The following SZT2 variants were observed in gnomAD, a reference collection of about 807,000 sequenced individuals.
SZT2 encodes the protein KICSTOR complex protein SZT2.
Under a neutral mutation model 404.2 loss-of-function variants are expected in SZT2, and 216 were observed. The ratio of observed to expected loss-of-function variants is 0.53; its 90% CI spans 0.48 to 0.60. The LOEUF (loss-of-function observed/expected upper bound fraction) is 0.60. Among genes scored for constraint, SZT2 ranks in the 20% least tolerant of loss-of-function variants. SZT2 has a pLI of 0.00. For synonymous variants in SZT2, 1,693 were observed against 1,749.9 expected, an observed-to-expected ratio of 0.97 and a Z score of 0.81; for missense variants, 3,857 against 4,459.2, an observed-to-expected ratio of 0.86 and a Z score of 3.85.
Position 43,448,846 on chromosome 1 carries a change from G to A in SZT2, c.10086+118G>A. ...TCTGGAGGGAGGCCTAGACAGAACG[G>A]GACTACACAGATACATGTAAAACCC... On this transcript the variant is annotated intron_variant, in intron 70 of 71. Transcript: ENST00000634258. This position sits in a 1 kb window ranked among gnomAD's most constrained non-coding sequence, Gnocchi z 4.2. 1.1e-6 allele frequency: 1 copy of A among 904,116 alleles called. No homozygotes were observed. The highest frequency in any genetic ancestry group is 2.4e-5 in the East Asian group (1 of 41,678). The allele number at this position is 904,116 out of a possible 1,614,324, so 56.0% of individuals were successfully genotyped here. A position where few individuals can be genotyped will look rare whatever the true frequency, so the allele number is the denominator to read the frequency against.
rs774042718 is a variant in SZT2, at chr1:43,443,706, T to C, written c.8735T>C (p.Leu2912Pro). 3.1e-6 allele frequency: 5 copies of C among 1,614,214 alleles called. No homozygotes were observed. The Admixed American group carries it at 6.7e-5, about 22-fold the overall frequency. The change falls in exon 62 of 72, where the codon CTG (leucine) becomes CCG (proline). Residue 2912 changes from leucine (L) to proline (P), a missense_variant. Physicochemically the swap from Leu to Pro is moderately conservative, Grantham distance 98. Around this residue, in one of 7 missense-constraint regions of SZT2, gnomAD observed 717 missense variants for 868.2 expected, o/e 0.83. Transcript: ENST00000634258. ...CGTGAGGAGCCTTGGCTGAAGGAGC[T>C]GAGCTTGGCTTTCCTGCAGCAATAT... ...GAREEPWLKE[L>P]SLAFLQQYVQ...
rs1288810019 is a variant in SZT2 at position 43,427,166 on chromosome 1, A to G, written c.3420A>G (p.Pro1140=). 2 of 1,614,036 alleles carry G rather than the reference A, an allele frequency of 1.2e-6. No homozygotes were observed. The highest frequency in any genetic ancestry group is 2.7e-5 in the African/African-American group (2 of 74,906). The change falls in exon 24 of 72, where the codon CCA becomes CCG. Residue 1140 remains proline, a synonymous_variant. Coordinates refer to ENST00000634258, the MANE Select transcript of SZT2 (RefSeq NM_001365999.1). ...NPQHVFLTFL[P]ATFSDVQRLA... ...AGCATGTGTTTCTGACTTTTCTCCC[A>G]GCTACCTTCTCAGGTGCCAGCTGCT...
At chr1:43,430,904 T>C (rs2153933912) in intron 32 of SZT2, 45 bp from the exon 33 acceptor site, 1 of 1,594,578 alleles carries the variant, frequency 6.3e-7, no homozygotes, top group African/African-American at 1.3e-5. Context: ...GAATCTGTGC[T>C]TGTCTTAGAG....
intron 1 of SZT2, among the ~76,000 whole-genome samples, chr1:43,394,415 C>T (rs1648751642): frequency 6.6e-6 from 1 of 152,002 alleles, no homozygotes; most frequent in South Asian, 2.1e-4. Flanking sequence ...TGGGGTGGTG[C>T]CTGGGACTCA....
In SZT2 at chr1:43,426,317, G is replaced by A. The variant is rs1653139183; in HGVS notation, c.3044-51G>A. 4.6e-6 allele frequency: 7 copies of A among 1,507,870 alleles called. No homozygotes were observed. The highest frequency in any genetic ancestry group is 2.0e-5 in the Admixed American group (1 of 49,698). 93.4% of individuals were successfully genotyped at this position (1,507,870 alleles called of 1,614,324 possible). Reference sequence around the variant, plus strand: ...CCAGCTGGTCAGGGCTGAGCCGGGGGCACCGGGCAGCAGGAGGCTCTTGGT... The same window carrying A: ...CCAGCTGGTCAGGGCTGAGCCGGGGACACCGGGCAGCAGGAGGCTCTTGGT... On this transcript the variant is annotated intron_variant, in intron 21 of 71. Transcript: ENST00000634258. The surrounding 1 kb of genome is among the most constrained non-coding windows in gnomAD (Gnocchi z 4.9).
intron 39 of SZT2, 72 bp downstream of exon 39, chr1:43,432,871 C>A: frequency 6.3e-7 from 1 of 1,598,646 alleles, no homozygotes. Context: ...TGGGAAAGGT[C>A]TGGACAGGAG....
chr1:43,403,943 C>T, intron 3 of SZT2, 169 bp downstream of exon 3: 2 of 734,990 alleles, frequency 2.7e-6, no homozygotes, highest in Middle Eastern at 4.0e-4. Context: ...GCTGTGGTGA[C>T]TCATGCCTAC....
rs1209217221 is a variant in SZT2, at chr1:43,437,775, A to G, written c.6397-16A>G. On this transcript the variant is annotated splice_polypyrimidine_tract_variant and intron_variant, in intron 45 of 71. Transcript: ENST00000634258. The surrounding 1 kb of genome is among the most constrained non-coding windows in gnomAD (Gnocchi z 5.3). ...GCTCTCTGGAACCGGGGCCCTGACC[A>G]CAGTTTTCCCTGTAGGGTCCTCGTT... 1 of 1,613,820 alleles carries G rather than the reference A, an allele frequency of 6.2e-7. No individual in the cohort carries two copies. Among genetic ancestry groups the G allele is most frequent in the Non-Finnish European group, 8.5e-7 (1 of 1,180,000 alleles).
chr1:43,409,016 C>T (rs1415299645), intron 4 of SZT2, among the ~76,000 whole-genome samples: 1 of 152,026 alleles, frequency 6.6e-6, no homozygotes, highest in Non-Finnish European at 1.5e-5. Flanking sequence ...GGTCTATATA[C>T]AATTTTAGGA....
chr1:43,447,396 TG>T, intron 66 of SZT2, 148 bp from the exon 67 acceptor site: 1 of 1,178,776 alleles, frequency 8.5e-7, no homozygotes, highest in Non-Finnish European at 1.2e-6. Context: ...CCCATCTCAG[TG>T]TTCCACAGGA....
rs552595239 is a variant in SZT2, at chr1:43,437,999, T to C, written c.6508+97T>C. ...CTTGCAAGCATTACACTAGAAGTTA[T>C]GTAACAGTCTCAGCCCAAGACCTGA... On this transcript the variant is annotated intron_variant, in intron 46 of 71. Coordinates refer to ENST00000634258, the MANE Select transcript of SZT2 (RefSeq NM_001365999.1). This position sits in a 1 kb window ranked among gnomAD's most constrained non-coding sequence, Gnocchi z 5.3. The C allele has an allele frequency of 2.9e-4, 369 of 1,258,922 alleles. 5 individuals carry two copies. In the South Asian group the frequency reaches 4.3e-3, roughly 15 times the overall value. The allele number at this position is 1,258,922 out of a possible 1,614,324, so 78.0% of individuals were successfully genotyped here.
chr1:43,427,915 A>G, intron 26 of SZT2, 88 bp from the exon 27 acceptor site: 2 of 1,338,122 alleles, frequency 1.5e-6, no homozygotes, highest in Non-Finnish European at 2.1e-6. Context: ...ATGTGTCTAT[A>G]GATGATCCAT....
At chr1:43,399,412 G>A (rs536123414) in intron 1 of SZT2, among the ~76,000 whole-genome samples, 2 of 151,170 alleles carry the variant, frequency 1.3e-5, no homozygotes, top group Non-Finnish European at 2.9e-5. Context: ...ATCTCCCCTA[G>A]TTGTTAGTCT....
Position 43,441,964 on chromosome 1 carries a change from A to G in SZT2, c.7743-36A>G. The G allele has an allele frequency of 6.3e-7, 1 of 1,598,730 alleles. No homozygotes were observed. Among genetic ancestry groups the G allele is most frequent in the South Asian group, 1.1e-5 (1 of 89,006 alleles). On this transcript the variant is annotated intron_variant, in intron 55 of 71. Transcript: ENST00000634258. This position sits in a 1 kb window ranked among gnomAD's most constrained non-coding sequence, Gnocchi z 4.8. ...GAAGGCTAGGCCAGGGAGTGGTGTC[A>G]TGGATGGCCTTTCTGTCTGTCCTCC...
In SZT2 at chr1:43,451,124, T is replaced by G; in HGVS notation, c.*644T>G. On this transcript the variant is annotated 3_prime_UTR_variant, in exon 72 of 72. Transcript: ENST00000634258. ...AAACTGAAGTGTTAGACACTATGTG[T>G]CCCACCACCCCATTACAGAGACATA... 1 of 1,027,364 alleles carries G rather than the reference T, an allele frequency of 9.7e-7. No individual in the cohort carries two copies. Among genetic ancestry groups the G allele is most frequent in the Non-Finnish European group, 1.5e-6 (1 of 651,260 alleles). The allele number at this position is 1,027,364 out of a possible 1,614,324, so 63.6% of individuals were successfully genotyped here.
chr1:43,432,217 C>G, intron 36 of SZT2, 55 bp from the exon 37 acceptor site: 2 of 1,497,926 alleles, frequency 1.3e-6, no homozygotes, highest in Non-Finnish European at 1.8e-6. Flanking sequence ...TGTAGCTCAC[C>G]ATGTGTAGGG....
intron 62 of SZT2, 72 bp downstream of exon 62, chr1:43,443,868 C>T: frequency 6.3e-7 from 1 of 1,583,002 alleles, no homozygotes; most frequent in South Asian, 1.1e-5. Context: ...GGCCCTTCCT[C>T]TCTTTACAAG....
chr1:43,453,295 T>G lies in SZT2; in HGVS notation c.*2815T>G. ...CAGAGATAAACCAGTGGGCTCAGAC[T>G]TCTGAGCGTCTCAGATCTGGCGTCC... On this transcript the variant is annotated 3_prime_UTR_variant, in exon 72 of 72. Transcript: ENST00000634258. 1 of 843,532 alleles carries G rather than the reference T, an allele frequency of 1.2e-6. No homozygotes were observed. The allele number at this position is 843,532 out of a possible 1,614,324, so 52.3% of individuals were successfully genotyped here. A position where few individuals can be genotyped will look rare whatever the true frequency, so the allele number is the denominator to read the frequency against.
chr1:43,411,124 C>A (rs1408900224), intron 4 of SZT2, among the ~76,000 whole-genome samples: 1 of 152,182 alleles, frequency 6.6e-6, no homozygotes, highest in Non-Finnish European at 1.5e-5. Flanking sequence ...TTGGGGGAAG[C>A]CAGCTGGGTT....
Sources: allele counts gnomAD v4.1 joint callset (sites outside exome capture counted in the v4.1 genomes callset), GRCh38; gene constraint gnomAD v4.1.1; regional missense constraint gnomAD v4.1.1; non-coding constraint Gnocchi (gnomAD v3.1); transcripts MANE v1.5; gene names NCBI Gene and HGNC (gene_info 2026-07-23, HGNC 2026-07-21).